ROCK1: variants seen among roughly 807,000 people sequenced by gnomAD.
The protein encoded by ROCK1 is rho-associated protein kinase 1.
ROCK1 carries 36 observed loss-of-function variants against 196.8 expected under a neutral mutation model. The ratio of observed to expected loss-of-function variants is 0.18; its 90% CI spans 0.14 to 0.24. The LOEUF (loss-of-function observed/expected upper bound fraction) is 0.24. Among genes scored for constraint, ROCK1 ranks in the 10% least tolerant of loss-of-function variants. The pLI is 1.00. For missense variants in ROCK1, 920 were observed against 1,562.0 expected (o/e 0.59, Z 6.93); for synonymous variants, 443 against 515.9 (o/e 0.86, Z 1.91).
Position 21,086,331 on chromosome 18 carries a change from C to G in ROCK1, c.94-15718G>C, listed in dbSNP as rs1394809001. ...TTCACCATGTGGGACAGGCTGGTCT[C>G]GAACTCCCGACCTCAAGTGATCCGC... is the stretch of plus-strand genomic sequence containing the variant. On this transcript the variant is annotated intron_variant, in intron 1 of 32. Transcript: ENST00000399799. 2.6e-5 allele frequency among the ~76,000 whole-genome samples: 4 copies of G among 152,170 alleles called. No homozygotes were observed. In the East Asian group the frequency reaches 7.7e-4, roughly 29 times the overall value.
At chr18:20,997,687 A>G (rs551155501) in intron 16 of ROCK1, among the ~76,000 whole-genome samples, 1 of 152,308 alleles carries the variant, frequency 6.6e-6, no homozygotes, top group Admixed American at 6.5e-5. Flanking sequence ...CAGAATATAC[A>G]TTCTCCTTAG....
At position 20,954,198 on chromosome 18, in the gene ROCK1, G is replaced by A. The variant is rs373991995; in HGVS notation, c.3854-413C>T. Among the ~76,000 whole-genome samples, 52 of 139,156 alleles carry A rather than the reference G, an allele frequency of 3.7e-4. No homozygotes were observed. In the East Asian group the frequency reaches 0.01, roughly 27 times the overall value. 91.3% of individuals were successfully genotyped at this position (139,156 alleles called of 152,430 possible). A position where few individuals can be genotyped will look rare whatever the true frequency, so the allele number is the denominator to read the frequency against. ...GGGAGGAATAGAGTGGAACTCACCTGTTGCTCTTCTCTCCAACTTGGAATA... is the reference window on the plus strand; with the variant it reads ...GGGAGGAATAGAGTGGAACTCACCTATTGCTCTTCTCTCCAACTTGGAATA... On this transcript the variant is annotated intron_variant, in intron 31 of 32. Coordinates refer to ENST00000399799, the MANE Select transcript of ROCK1 (RefSeq NM_005406.3).
intron 19 of ROCK1, among the ~76,000 whole-genome samples, chr18:20,984,736 CA>C (rs2035562684): frequency 6.6e-6 from 1 of 152,140 alleles, no homozygotes; most frequent in African/African-American, 2.4e-5. Context: ...AAATTTCAGA[CA>C]TGAGATCTTG....
At chr18:21,007,906 A>T (rs115396386) in intron 14 of ROCK1, among the ~76,000 whole-genome samples, 153 bp downstream of exon 14, 1,962 of 152,238 alleles carry the variant, frequency 0.013, 39 homozygotes, top group African/African-American at 0.045. Context: ...TTACTATTTA[A>T]TATGTTATAA....
At chr18:20,957,468 A>C (rs2035254247) in intron 29 of ROCK1, among the ~76,000 whole-genome samples, 1 of 152,164 alleles carries the variant, frequency 6.6e-6, no homozygotes, top group Non-Finnish European at 1.5e-5. Flanking sequence ...AAGAGGCACA[A>C]GTGAGCTTTC....
In ROCK1 at chr18:21,049,729, G is replaced by A; in HGVS notation, c.276+51C>T. 3.7e-6 allele frequency: 4 copies of A among 1,068,464 alleles called. 1 individual carries two copies. The South Asian group carries it at 5.6e-5, about 15-fold the overall frequency. 66.2% of individuals were successfully genotyped at this position (1,068,464 alleles called of 1,614,324 possible). On this transcript the variant is annotated intron_variant, in intron 3 of 32. Coordinates refer to ENST00000399799, the MANE Select transcript of ROCK1 (RefSeq NM_005406.3). Reference sequence around the variant, plus strand: ...AAATAATATGTTAAACACACAAGTGGATTATTTTAATTTAATAAAGTCCTT... The same window carrying A: ...AAATAATATGTTAAACACACAAGTGAATTATTTTAATTTAATAAAGTCCTT...
intron 1 of ROCK1, among the ~76,000 whole-genome samples, chr18:21,077,603 G>C (rs1568403334): frequency 6.6e-5 from 1 of 15,246 alleles, no homozygotes; most frequent in Non-Finnish European, 1.7e-4. Context: ...AGGAGAAGTG[G>C]GGCGAGACTT....
intron 2 of ROCK1, among the ~76,000 whole-genome samples, chr18:21,061,566 T>C (rs1351637949): frequency 1.3e-5 from 2 of 152,204 alleles, no homozygotes; most frequent in East Asian, 1.9e-4. Flanking sequence ...GACTATGTGT[T>C]TGTTAAGACC....
At chr18:21,064,411 C>A (rs1324349963) in intron 2 of ROCK1, among the ~76,000 whole-genome samples, 1 of 152,216 alleles carries the variant, frequency 6.6e-6, no homozygotes. Flanking sequence ...TCTCTACAAA[C>A]TTCTACTATT....
At chr18:21,015,313 C>T in intron 13 of ROCK1, 118 bp downstream of exon 13, 1 of 726,036 alleles carries the variant, frequency 1.4e-6, no homozygotes, top group Non-Finnish European at 2.4e-6. Context: ...CATCACAATT[C>T]TCTGCTCTGT....
rs1413042327 is a variant in ROCK1, at chr18:20,949,866, A to G, written c.*1518T>C. The G allele has an allele frequency of 6.5e-6, 1 of 152,692 alleles. No individual in the cohort carries two copies. The highest frequency in any genetic ancestry group is 1.5e-5 in the Non-Finnish European group (1 of 68,040). The allele number at this position is 152,692 out of a possible 1,614,324, so 9.5% of individuals were successfully genotyped here. A position where few individuals can be genotyped will look rare whatever the true frequency, so the allele number is the denominator to read the frequency against. On this transcript the variant is annotated 3_prime_UTR_variant, in exon 33 of 33. Transcript: ENST00000399799. ...CATGAGAAAACACATTGCAGTAAAA[A>G]TTAAAGATACCCATCCATAAATTAC... is the stretch of plus-strand genomic sequence containing the variant.
intron 16 of ROCK1, among the ~76,000 whole-genome samples, chr18:21,005,359 C>A (rs945582022): frequency 6.6e-6 from 1 of 152,164 alleles, no homozygotes; most frequent in East Asian, 1.9e-4. Flanking sequence ...TCTATTACTA[C>A]CAACGATGCA....
At chr18:20,976,653 C>A (rs1045552093) in intron 22 of ROCK1, among the ~76,000 whole-genome samples, 5 of 152,162 alleles carry the variant, frequency 3.3e-5, no homozygotes, top group African/African-American at 1.2e-4. Context: ...CTCTGAGATA[C>A]ACAATCACCT....
chr18:21,017,236 T>A (rs1409874969), intron 12 of ROCK1, among the ~76,000 whole-genome samples: 1 of 139,446 alleles, frequency 7.2e-6, no homozygotes, highest in African/African-American at 2.8e-5. Flanking sequence ...CTGTTGCCCA[T>A]GCTGGAGTGC....
At position 21,039,527 on chromosome 18, in the gene ROCK1, G is replaced by C; in HGVS notation, c.996C>G (p.Ile332Met). The change falls in exon 9 of 33, where the codon ATC becomes ATG. Residue 332 changes from isoleucine (I) to methionine (M), a missense_variant. Ile to Met is a conservative substitution (Grantham distance 10). Coordinates refer to ENST00000399799, the MANE Select transcript of ROCK1 (RefSeq NM_005406.3). ...CATTTTTGAAGAAGAGATGTCGTTT[G>C]ATTTCTTCTACACCATTTCGCCCTA... ...VRLGRNGVEEIKRHLFFKNDQ... is the reference protein window; with the variant it reads ...VRLGRNGVEEMKRHLFFKNDQ... 1 of 1,613,650 alleles carries C rather than the reference G, an allele frequency of 6.2e-7. No homozygotes were observed. Among genetic ancestry groups the C allele is most frequent in the Non-Finnish European group, 8.5e-7 (1 of 1,179,826 alleles).
At chr18:20,973,540 T>C (rs1598513721) in intron 22 of ROCK1, among the ~76,000 whole-genome samples, 1 of 151,694 alleles carries the variant, frequency 6.6e-6, no homozygotes, top group African/African-American at 2.4e-5. Context: ...GCCTCCCAAA[T>C]TGCTGGGATT....
At chr18:20,986,806 A>T in intron 19 of ROCK1, 144 bp downstream of exon 19, 1 of 664,916 alleles carries the variant, frequency 1.5e-6, no homozygotes, top group Non-Finnish European at 2.4e-6. Flanking sequence ...TGCTGGGGTG[A>T]CCATACAGCA....
At chr18:20,980,077 T>C in intron 21 of ROCK1, 73 bp from the exon 22 acceptor site, 1 of 1,401,882 alleles carries the variant, frequency 7.1e-7, no homozygotes, top group South Asian at 1.5e-5. Flanking sequence ...TCTTATAAAT[T>C]TAAAAAATTA....
chr18:21,070,378 A>G (rs569143650), intron 2 of ROCK1, among the ~76,000 whole-genome samples, 154 bp downstream of exon 2: 1 of 152,138 alleles, frequency 6.6e-6, no homozygotes, highest in Non-Finnish European at 1.5e-5. Context: ...CAGGCATCCA[A>G]ATTGTTTCTT....
Sources: gnomAD v4.1 joint callset for allele counts (sites outside exome capture counted in the v4.1 genomes callset) on GRCh38, gnomAD v4.1.1 for gene constraint, MANE v1.5 for transcripts, NCBI Gene and HGNC (gene_info 2026-07-23, HGNC 2026-07-21) for gene names.